MTFR1: variants seen among roughly 807,000 people sequenced by gnomAD.
MTFR1 encodes the protein chondrocyte protein with a poly-proline region.
A neutral mutation model predicts 38.8 loss-of-function variants in MTFR1; 28 were observed. That is an observed-to-expected ratio of 0.72 (90% confidence interval 0.53 to 0.99). The LOEUF (loss-of-function observed/expected upper bound fraction) is 0.99. Among genes scored for constraint, MTFR1 ranks in the 50% least tolerant of loss-of-function variants. The pLI is 0.00. For synonymous variants in MTFR1, 145 were observed against 137.0 expected (o/e 1.06, Z -0.41); for missense variants, 358 against 395.5 (o/e 0.91, Z 0.81).
At chr8:65,675,498 C>G (rs1164454153) in intron 2 of MTFR1, among the ~76,000 whole-genome samples, 1 of 148,850 alleles carries the variant, frequency 6.7e-6, no homozygotes, top group Non-Finnish European at 1.5e-5. Flanking sequence ...ATTCAGGAGG[C>G]TGAGGCAGGA....
chr8:65,708,375 T>C (rs1805848564), intron 7 of MTFR1: 2 of 349,278 alleles, frequency 5.7e-6, no homozygotes, highest in Admixed American at 8.7e-5. Flanking sequence ...GAAGTGAAAT[T>C]CAGTATAGTA....
intron 1 of MTFR1, among the ~76,000 whole-genome samples, chr8:65,666,244 TA>T (rs1413318578): frequency 6.6e-6 from 1 of 152,058 alleles, no homozygotes; most frequent in Non-Finnish European, 1.5e-5. Context: ...CCATCTCTAC[TA>T]AAAATACAAT....
chr8:65,755,575 T>C (rs1335240884), intron 3 of MTFR1, among the ~76,000 whole-genome samples: 2 of 152,234 alleles, frequency 1.3e-5, no homozygotes, highest in Non-Finnish European at 2.9e-5. Flanking sequence ...TACATCTTTA[T>C]ATGTGTGTGC....
chr8:65,739,166 G>A (rs1047171151), intron 3 of MTFR1, among the ~76,000 whole-genome samples: 6 of 152,148 alleles, frequency 3.9e-5, no homozygotes, highest in African/African-American at 1.2e-4. Context: ...ATCTATTATG[G>A]TGCCAAACTC....
At chr8:65,730,168 C>CTTTTTTTTTTTT (rs1563473710) in intron 3 of MTFR1, among the ~76,000 whole-genome samples, 1 of 31,670 alleles carries the variant, frequency 3.2e-5, no homozygotes, top group Non-Finnish European at 5.8e-5. Flanking sequence ...AGGTTGCGCA[C>CTTTTTTTTTTTT]TTCTTTTTTT....
At chr8:65,719,563 A>G (rs1344654319) in intron 3 of MTFR1, 2 of 1,013,978 alleles carry the variant, frequency 2.0e-6, no homozygotes, top group East Asian at 5.0e-5. Context: ...CATCATCTAT[A>G]CAACATTAAC....
At chr8:65,696,194 A>G (rs1406623612) in intron 4 of MTFR1, among the ~76,000 whole-genome samples, 1 of 152,242 alleles carries the variant, frequency 6.6e-6, no homozygotes, top group Non-Finnish European at 1.5e-5. Flanking sequence ...TAAAATAAGA[A>G]TAAAATAAGA....
At chr8:65,729,364 CTTTTTTTTTTTT>C (rs10540107) in intron 3 of MTFR1, among the ~76,000 whole-genome samples, 6 of 80,080 alleles carry the variant, frequency 7.5e-5, no homozygotes, top group African/African-American at 3.1e-4. Flanking sequence ...TTGGTGGTAG[CTTTTTTTTTTTT>C]TTTTTTTTTT....
At chr8:65,739,468 A>C in intron 3 of MTFR1, 1 of 1,519,082 alleles carries the variant, frequency 6.6e-7, no homozygotes, top group South Asian at 1.3e-5. Context: ...ATAAATGTAA[A>C]TCTTGTTACT....
At chr8:65,651,700 T>C (rs537444913) in intron 1 of MTFR1, among the ~76,000 whole-genome samples, 3 of 152,322 alleles carry the variant, frequency 2.0e-5, no homozygotes, top group East Asian at 3.9e-4. Flanking sequence ...TCGGTTACTA[T>C]AGCCCTGTAG....
At chr8:65,707,743 A>G in intron 6 of MTFR1, 100 bp from the exon 7 acceptor site, 2 of 1,436,854 alleles carry the variant, frequency 1.4e-6, no homozygotes, top group South Asian at 1.4e-5. Context: ...AGTAGCTATG[A>G]TGCTGGAGAG....
chr8:65,752,196 G>A (rs546775639), intron 3 of MTFR1, among the ~76,000 whole-genome samples: 1 of 152,100 alleles, frequency 6.6e-6, no homozygotes, highest in Non-Finnish European at 1.5e-5. Context: ...TTAGTTACCA[G>A]AGCATATTTT....
chr8:65,673,323 C>A (rs942586099), intron 2 of MTFR1, among the ~76,000 whole-genome samples: 2 of 151,722 alleles, frequency 1.3e-5, no homozygotes, highest in Non-Finnish European at 2.9e-5. Context: ...GTTCATGGCA[C>A]CCCAAAACAA....
At chr8:65,662,387 C>T (rs1446456044) in intron 1 of MTFR1, among the ~76,000 whole-genome samples, 3 of 151,678 alleles carry the variant, frequency 2.0e-5, no homozygotes, top group African/African-American at 4.8e-5. Flanking sequence ...GACGGAGTCG[C>T]GTTCACTCAG....
intron 2 of MTFR1, among the ~76,000 whole-genome samples, chr8:65,678,150 C>T (rs896981893): frequency 2.0e-5 from 3 of 152,092 alleles, no homozygotes; most frequent in Admixed American, 1.3e-4. Context: ...AGCATACTGA[C>T]AAGACATAGT....
chr8:65,739,638 A>G (rs1363491958), intron 3 of MTFR1: 14 of 1,435,896 alleles, frequency 9.8e-6, no homozygotes, highest in Non-Finnish European at 1.0e-5. Context: ...AGGAAATACA[A>G]GTCAACACAA....
downstream of MTFR1, chr8:65,714,816 T>C (rs1166029852): frequency 6.6e-6 from 1 of 152,214 alleles, no homozygotes; most frequent in Non-Finnish European, 1.5e-5. Context: ...AAGATCATTT[T>C]CAGAATCTTC....
intron 1 of MTFR1, among the ~76,000 whole-genome samples, chr8:65,646,014 T>C (rs897302160): frequency 6.6e-6 from 1 of 152,220 alleles, no homozygotes; most frequent in Non-Finnish European, 1.5e-5. Context: ...AGAATTTAGG[T>C]AACTGCTACA....
At chr8:65,762,991 ATGTG>A (rs34371328) in intron 3 of MTFR1, among the ~76,000 whole-genome samples, 31,326 of 138,370 alleles carry the variant, frequency 0.23, 3,455 homozygotes, top group East Asian at 0.39. Flanking sequence ...TATAAAAACA[ATGTG>A]TGTGTGTGTG....
Sources: allele counts gnomAD v4.1 joint callset (sites outside exome capture counted in the v4.1 genomes callset), GRCh38; gene constraint gnomAD v4.1.1; transcripts MANE v1.5; gene names NCBI Gene and HGNC (gene_info 2026-07-23, HGNC 2026-07-21).